ADGRB3: variants seen among roughly 807,000 people sequenced by gnomAD.
ADGRB3 encodes adhesion G protein-coupled receptor B3.
ADGRB3 carries 37 observed loss-of-function variants against 193.4 expected under a neutral mutation model. That is an observed-to-expected ratio of 0.19 (90% CI 0.15 to 0.25). The LOEUF (loss-of-function observed/expected upper bound fraction) is 0.25. Ranked by LOEUF, ADGRB3 falls within the 10% of genes least tolerant of loss-of-function variation. The probability of loss-of-function intolerance (pLI) is 1.00; values close to 1 mark genes in which losing one functional copy is unlikely to be tolerated. For synonymous variants in ADGRB3, 690 were observed against 644.2 expected (o/e 1.07, Z -1.08); for missense variants, 1,637 against 1,852.9 (o/e 0.88, Z 2.14).
At chr6:69,054,142 T>C (rs1161059040) in intron 15 of ADGRB3, among the ~76,000 whole-genome samples, 1 of 151,996 alleles carries the variant, frequency 6.6e-6, no homozygotes, top group Non-Finnish European at 1.5e-5. Flanking sequence ...TAAAGGAAAA[T>C]ACAGATGAAT....
chr6:69,171,203 T>C (rs879877240), intron 17 of ADGRB3, among the ~76,000 whole-genome samples: 1 of 152,204 alleles, frequency 6.6e-6, no homozygotes, highest in Non-Finnish European at 1.5e-5. Context: ...CAATTTAGAC[T>C]AGCTAGTTTT....
In ADGRB3 at chr6:68,661,384, T is replaced by C. The variant is rs1215569017; in HGVS notation, c.757+21952T>C. On this transcript the variant is annotated intron_variant, in intron 3 of 31. Transcript: ENST00000370598. ...GTGTGTATATATATGTGTATACATA[T>C]ATATATGTGTGTATACATATATATG... 7.1e-5 allele frequency among the ~76,000 whole-genome samples: 7 copies of C among 98,742 alleles called. 1 individual carries two copies. Among genetic ancestry groups the C allele is most frequent in the South Asian group, 3.1e-4 (1 of 3,236 alleles). The allele number at this position is 98,742 out of a possible 152,430, so 64.8% of individuals were successfully genotyped here.
intron 20 of ADGRB3, among the ~76,000 whole-genome samples, chr6:69,243,688 T>A (rs1766430675): frequency 6.6e-6 from 1 of 151,974 alleles, no homozygotes; most frequent in East Asian, 1.9e-4. Flanking sequence ...GACTAATCTT[T>A]TATATTTAGT....
intron 17 of ADGRB3, among the ~76,000 whole-genome samples, chr6:69,207,589 T>C (rs1409988166): frequency 6.6e-6 from 1 of 152,180 alleles, no homozygotes; most frequent in Non-Finnish European, 1.5e-5. Context: ...GTACCATATA[T>C]TGGATGCTGA....
chr6:69,071,456 A>G (rs1772077323), intron 16 of ADGRB3, among the ~76,000 whole-genome samples: 1 of 152,166 alleles, frequency 6.6e-6, no homozygotes, highest in South Asian at 2.1e-4. Context: ...AACAGAGGAG[A>G]GAAGTAAAAG....
chr6:68,759,398 A>G (rs1766352863), intron 3 of ADGRB3, among the ~76,000 whole-genome samples: 1 of 152,072 alleles, frequency 6.6e-6, no homozygotes, highest in Non-Finnish European at 1.5e-5. Flanking sequence ...TATTTTATTC[A>G]GTTCTTGAAA....
intron 3 of ADGRB3, among the ~76,000 whole-genome samples, chr6:68,748,494 T>C (rs1343825238): frequency 6.6e-6 from 1 of 152,108 alleles, no homozygotes; most frequent in East Asian, 1.9e-4. Context: ...CAAAACAATC[T>C]CCATTGAGTC....
chr6:69,064,416 GA>G (rs2150308584), intron 16 of ADGRB3, among the ~76,000 whole-genome samples: 1 of 151,700 alleles, frequency 6.6e-6, no homozygotes, highest in African/African-American at 2.4e-5. Flanking sequence ...GTCAAAATGT[GA>G]CCATACTAGT....
Position 68,956,299 on chromosome 6 carries a change from A to T in ADGRB3, c.1360+111A>T, listed in dbSNP as rs532128748. The stretch of plus-strand genomic sequence containing the variant: ...ATGAAAGAAGATAATCATTATATAT[A>T]TATGTGTGTGTGTGTGTGTGTGTGT... On this transcript the variant is annotated intron_variant, in intron 7 of 31. Transcript: ENST00000370598. The T allele has an allele frequency of 1.3e-3, 1,201 of 929,450 alleles. 6 individuals are homozygous for T. The African/African-American group carries it at 0.02, about 15-fold the overall frequency. The allele number at this position is 929,450 out of a possible 1,614,324, so 57.6% of individuals were successfully genotyped here. A position where few individuals can be genotyped will look rare whatever the true frequency, so the allele number is the denominator to read the frequency against.
Position 69,239,111 on chromosome 6 carries a change from T to A in ADGRB3, c.2712-13T>A. 1 of 1,511,842 alleles carries A rather than the reference T, an allele frequency of 6.6e-7. No homozygotes were observed. 93.7% of individuals were successfully genotyped at this position (1,511,842 alleles called of 1,614,324 possible). On this transcript the variant is annotated splice_polypyrimidine_tract_variant and intron_variant, in intron 19 of 31. Transcript: ENST00000370598. Reference sequence around the variant, plus strand: ...GGATTTTAAAGTTGGGTAACTTTTCTCTCTCTGGCTAGGTACATACGCTCT... The same window carrying A: ...GGATTTTAAAGTTGGGTAACTTTTCACTCTCTGGCTAGGTACATACGCTCT...
At chr6:69,293,054 G>A (rs1767725185) in intron 20 of ADGRB3, among the ~76,000 whole-genome samples, 2 of 152,128 alleles carry the variant, frequency 1.3e-5, no homozygotes, top group South Asian at 4.1e-4. Flanking sequence ...ATCTCCTACT[G>A]CATGGCTCCA....
At chr6:69,363,297 G>C (rs1374422567) in intron 29 of ADGRB3, among the ~76,000 whole-genome samples, 4 of 151,896 alleles carry the variant, frequency 2.6e-5, no homozygotes, top group African/African-American at 7.2e-5. Flanking sequence ...ATGAAAATTT[G>C]GTTCTTCATT....
intron 20 of ADGRB3, among the ~76,000 whole-genome samples, chr6:69,265,962 T>A (rs1048877338): frequency 1.3e-5 from 2 of 151,972 alleles, no homozygotes; most frequent in African/African-American, 2.4e-5. Flanking sequence ...TGAAAAAAAA[T>A]TACAGAAAAG....
intron 17 of ADGRB3, among the ~76,000 whole-genome samples, chr6:69,201,055 A>G (rs535772878): frequency 8.5e-5 from 13 of 152,266 alleles, no homozygotes; most frequent in African/African-American, 3.1e-4. Context: ...TTCTCATTGT[A>G]TCTTTCCACC....
intron 3 of ADGRB3, among the ~76,000 whole-genome samples, chr6:68,734,890 C>T (rs1473517872): frequency 6.6e-6 from 1 of 151,928 alleles, no homozygotes; most frequent in Non-Finnish European, 1.5e-5. Context: ...TCTGAAAGGA[C>T]CTCCTACTGA....
intron 17 of ADGRB3, among the ~76,000 whole-genome samples, chr6:69,121,084 G>C (rs940541396): frequency 8.7e-5 from 13 of 149,516 alleles, no homozygotes; most frequent in Non-Finnish European, 1.6e-4. Context: ...TAGGATAATA[G>C]TGGAGAGAAG....
intron 3 of ADGRB3, among the ~76,000 whole-genome samples, chr6:68,916,870 A>G (rs1455642453): frequency 6.6e-6 from 1 of 152,198 alleles, no homozygotes; most frequent in African/African-American, 2.4e-5. Flanking sequence ...GGGCTTTTTC[A>G]TACGAGACAG....
intron 3 of ADGRB3, among the ~76,000 whole-genome samples, chr6:68,786,584 G>A (rs1233971552): frequency 6.6e-6 from 1 of 152,162 alleles, no homozygotes; most frequent in Admixed American, 6.5e-5. Context: ...AATTCAGGTA[G>A]CATGATGCCT....
intron 3 of ADGRB3, among the ~76,000 whole-genome samples, chr6:68,764,652 G>T (rs1489916133): frequency 6.6e-6 from 1 of 152,162 alleles, no homozygotes; most frequent in African/African-American, 2.4e-5. Context: ...TGAAGATAGA[G>T]ATGGAAGCCT....
Sources: gnomAD v4.1 joint callset for allele counts (sites outside exome capture counted in the v4.1 genomes callset) on GRCh38, gnomAD v4.1.1 for gene constraint, MANE v1.5 for transcripts, NCBI Gene and HGNC (gene_info 2026-07-23, HGNC 2026-07-21) for gene names.